ATP8B2: variants seen among roughly 807,000 people sequenced by gnomAD.
ATP8B2 encodes phospholipid-transporting ATPase ID.
In ATP8B2, 70 loss-of-function variants were observed where a neutral mutation model predicts 133.4. The ratio of observed to expected loss-of-function variants is 0.52; its 90% CI spans 0.43 to 0.64. ATP8B2 has a LOEUF of 0.64. Ranked by LOEUF, ATP8B2 falls within the 30% of genes least tolerant of loss-of-function variation. ATP8B2 has a pLI of 0.00. For synonymous variants in ATP8B2, 517 were observed against 589.5 expected, an observed-to-expected ratio of 0.88 and a Z score of 1.78; for missense variants, 1,101 against 1,535.7, an observed-to-expected ratio of 0.72 and a Z score of 4.73.
intron 3 of ATP8B2, 76 bp downstream of exon 3, chr1:154,330,530 A>T (rs1278279094): frequency 6.7e-7 from 1 of 1,492,360 alleles, no homozygotes; most frequent in East Asian, 2.3e-5. Context: ...TACCGTTGGG[A>T]CTGAGGGCTG....
chr1:154,344,027 C>T lies in ATP8B2; in HGVS notation c.1893C>T (p.Ser631=), dbSNP rs1445148778. ...ACAGCCGGGAGGACAGGCTGGCTAGCATCTATGAGGAGGTTGAGAACAACA... is the reference window on the plus strand; with the variant it reads ...ACAGCCGGGAGGACAGGCTGGCTAGTATCTATGAGGAGGTTGAGAACAACA... ...AQDSREDRLA[S]IYEEVENNMM... Residue 631 remains serine (S), a synonymous_variant, in exon 18 of 28, where the codon AGC becomes AGT. Coordinates refer to ENST00000368489, the MANE Select transcript of ATP8B2 (RefSeq NM_001370597.1). The surrounding 1 kb of genome is among the most constrained non-coding windows in gnomAD (Gnocchi z 4.1). The T allele has an allele frequency of 6.2e-7, 1 of 1,613,936 alleles. No individual in the cohort carries two copies. The highest frequency in any genetic ancestry group is 2.2e-5 in the East Asian group (1 of 44,886).
chr1:154,344,292 A>C lies in ATP8B2; in HGVS notation c.2035+38A>C, dbSNP rs936395319. ...CAGGGCAGAGCCAGTTGCAACTGAC[A>C]GTAGCCCTGTTGGACCCTTGCATGG... is the stretch of plus-strand genomic sequence containing the variant. On this transcript the variant is annotated intron_variant, in intron 19 of 27. Transcript: ENST00000368489. The surrounding 1 kb of genome is among the most constrained non-coding windows in gnomAD (Gnocchi z 4.1). 6.2e-7 allele frequency: 1 copy of C among 1,614,142 alleles called. No homozygotes were observed.
In ATP8B2 at chr1:154,331,468, G is replaced by A. The variant is rs1441851006; in HGVS notation, c.328G>A (p.Val110Met). The A allele has an allele frequency of 1.2e-6, 2 of 1,614,142 alleles. No individual in the cohort carries two copies. Residue 110 changes from valine (V) to methionine (M), a missense_variant, in exon 6 of 28, where the codon GTG (valine) becomes ATG (methionine). Transcript: ENST00000368489. This position sits in a 1 kb window ranked among gnomAD's most constrained non-coding sequence, Gnocchi z 4.8. ...GTTCCGCCACAAGAGCGATAACCAG[G>A]TGAATAACCGCCAGTCTCAGGTGCT... Reference protein sequence around the residue: ...DYFRHKSDNQVNNRQSQVLIN... With the variant: ...DYFRHKSDNQMNNRQSQVLIN...
At position 154,343,816 on chromosome 1, in the gene ATP8B2, G is replaced by T; in HGVS notation, c.1759-77G>T. 6.7e-7 allele frequency: 1 copy of T among 1,494,888 alleles called. No homozygotes were observed. The highest frequency in any genetic ancestry group is 9.1e-7 in the Non-Finnish European group (1 of 1,104,724). 92.6% of individuals were successfully genotyped at this position (1,494,888 alleles called of 1,614,324 possible). A position where few individuals can be genotyped will look rare whatever the true frequency, so the allele number is the denominator to read the frequency against. ...GGCACACACCCAGTCTACAGTGCAG[G>T]ATTATTCATTGTCGCCCTCACGCTG... On this transcript the variant is annotated intron_variant, in intron 17 of 27. Coordinates refer to ENST00000368489, the MANE Select transcript of ATP8B2 (RefSeq NM_001370597.1). This position sits in a 1 kb window ranked among gnomAD's most constrained non-coding sequence, Gnocchi z 5.8.
At chr1:154,341,477 A>C in intron 13 of ATP8B2, 2 of 281,900 alleles carry the variant, frequency 7.1e-6, no homozygotes, top group Non-Finnish European at 1.4e-5. Context: ...GGGCGACAGA[A>C]TGAGGCCCTG....
In ATP8B2 at chr1:154,343,518, C is replaced by T. The variant is rs1454150443; in HGVS notation, c.1708C>T (p.Leu570=). 6.2e-7 allele frequency: 1 copy of T among 1,614,166 alleles called. No individual in the cohort carries two copies. Residue 570 remains leucine (L), a synonymous_variant, in exon 17 of 28, where the codon CTG becomes TTG. Transcript: ENST00000368489. The surrounding 1 kb of genome is among the most constrained non-coding windows in gnomAD (Gnocchi z 5.8). ...GGCTGACACTATCCTACTGGACAGACTGCACCACTCCACTCAAGAGCTGCT... is the reference window on the plus strand; with the variant it reads ...GGCTGACACTATCCTACTGGACAGATTGCACCACTCCACTCAAGAGCTGCT... ...KGADTILLDR[L]HHSTQELLNT...
chr1:154,337,795 G>C (rs1686242026), intron 12 of ATP8B2: 1 of 1,397,476 alleles, frequency 7.2e-7, no homozygotes, highest in Non-Finnish European at 9.5e-7. Flanking sequence ...CATGCCTACT[G>C]TGTACAAAGA....
Position 154,334,393 on chromosome 1 carries a change from CT to C in ATP8B2, c.749-109del, listed in dbSNP as rs142320412. On this transcript the variant is annotated intron_variant, in intron 10 of 27. Coordinates refer to ENST00000368489, the MANE Select transcript of ATP8B2 (RefSeq NM_001370597.1). This position sits in a 1 kb window ranked among gnomAD's most constrained non-coding sequence, Gnocchi z 4.6. ...CCAGCTGTGTATACAGGCTTCTTAT[CT>C]AGCCAGTATCTCTATTCCACCCTGG... The C allele has an allele frequency of 2.2e-3, 3,257 of 1,497,968 alleles. 60 individuals are homozygous for C. The African/African-American group carries it at 0.04, about 19-fold the overall frequency. The allele number at this position is 1,497,968 out of a possible 1,614,324, so 92.8% of individuals were successfully genotyped here.
rs1418887882 is a variant in ATP8B2 at position 154,344,495 on chromosome 1, G to A, written c.2136G>A (p.Glu712=). The change falls in exon 20 of 28, where the codon GAG becomes GAA. Residue 712 remains glutamate (E), a synonymous_variant. Transcript: ENST00000368489. The surrounding 1 kb of genome is among the most constrained non-coding windows in gnomAD (Gnocchi z 4.1). ...ATACTGTCCTGGAGGTGCGGGAGGA[G>A]CTCAGGTAAACAAGAAGCCCAGGGG... ...TGHTVLEVRE[E]LRKAREKMMD... 8 of 1,614,022 alleles carry A rather than the reference G, an allele frequency of 5.0e-6. No homozygotes were observed. Among genetic ancestry groups the A allele is most frequent in the Non-Finnish European group, 6.8e-6 (8 of 1,180,012 alleles).
chr1:154,330,204 A>G (rs2149159999), intron 2 of ATP8B2, among the ~76,000 whole-genome samples, 192 bp from the exon 3 acceptor site: 1 of 152,196 alleles, frequency 6.6e-6, no homozygotes, highest in South Asian at 2.1e-4. Context: ...TGTCCTGTGA[A>G]TGTAACCTGG....
At chr1:154,329,120 C>G (rs1030990293) in intron 2 of ATP8B2, 2 of 1,218,952 alleles carry the variant, frequency 1.6e-6, no homozygotes, top group Non-Finnish European at 2.1e-6. Context: ...CCCATTATTT[C>G]CCCCCTCCAA....
Position 154,344,369 on chromosome 1 carries a change from G to A in ATP8B2, c.2036-26G>A, listed in dbSNP as rs749491911. On this transcript the variant is annotated intron_variant, in intron 19 of 27. Coordinates refer to ENST00000368489, the MANE Select transcript of ATP8B2 (RefSeq NM_001370597.1). This position sits in a 1 kb window ranked among gnomAD's most constrained non-coding sequence, Gnocchi z 4.1. ...TGCTGACCTTGTTGGGTGCCTGTCC[G>A]TAGCTCCTGCGTTCTCTCTTGGTAG... 71 of 1,614,028 alleles carry A rather than the reference G, an allele frequency of 4.4e-5. No homozygotes were observed. Among genetic ancestry groups the A allele is most frequent in the Non-Finnish European group, 5.7e-5 (67 of 1,180,002 alleles).
Position 154,340,871 on chromosome 1 carries a change from T to G in ATP8B2, c.1052T>G (p.Leu351Arg), listed in dbSNP as rs570818129. 6.2e-7 allele frequency: 1 copy of G among 1,614,190 alleles called. No individual in the cohort carries two copies. Among genetic ancestry groups the G allele is most frequent in the Non-Finnish European group, 8.5e-7 (1 of 1,180,028 alleles). The change falls in exon 13 of 28, where the codon CTG becomes CGG. Residue 351 changes from leucine (L) to arginine (R), a missense_variant. Leu to Arg is a moderately radical substitution (Grantham distance 102, BLOSUM62 -2). Transcript: ENST00000368489. The surrounding 1 kb of genome is among the most constrained non-coding windows in gnomAD (Gnocchi z 4.0). Reference protein sequence around the residue: ...SLYVSVEVIRLGHSYFINWDK... With the variant: ...SLYVSVEVIRRGHSYFINWDK... ...CTGTGCAGTGTGGAGGTCATCCGTC[T>G]GGGCCACAGCTACTTCATCAACTGG...
At chr1:154,330,340 AG>A in intron 2 of ATP8B2, 55 bp from the exon 3 acceptor site, 1 of 1,497,310 alleles carries the variant, frequency 6.7e-7, no homozygotes, top group Non-Finnish European at 9.2e-7. Flanking sequence ...CCCCCAGCAA[AG>A]TGTTGGTCCA....
In ATP8B2 at chr1:154,337,819, C is replaced by T. The variant is rs76428916; in HGVS notation, c.1034+275C>T. 3,903 of 1,239,186 alleles carry T rather than the reference C, an allele frequency of 3.1e-3. 119 individuals carry two copies. The African/African-American group carries it at 0.055, about 17-fold the overall frequency. The allele number at this position is 1,239,186 out of a possible 1,614,324, so 76.8% of individuals were successfully genotyped here. A position where few individuals can be genotyped will look rare whatever the true frequency, so the allele number is the denominator to read the frequency against. On this transcript the variant is annotated intron_variant, in intron 12 of 27. Coordinates refer to ENST00000368489, the MANE Select transcript of ATP8B2 (RefSeq NM_001370597.1). ...TGTGTACAAAGAAGTGTGCTAGGTG[C>T]CATCACAAATAAAAGATGAATTAGG...
At chr1:154,326,832 C>T (rs1685808058) in intron 1 of ATP8B2, among the ~76,000 whole-genome samples, 1 of 152,232 alleles carries the variant, frequency 6.6e-6, no homozygotes, top group African/African-American at 2.4e-5. Flanking sequence ...CTCTTGCATC[C>T]TTTAACCTCT....
In ATP8B2 at chr1:154,328,607, G is replaced by C. The variant is rs1016800616; in HGVS notation, c.31+435G>C. ...GCAGTCCGCTCACCCGCATTGGCCC[G>C]GCCCGGGGGTGGGAGGGGAGGCGGG... On this transcript the variant is annotated intron_variant, in intron 2 of 27. Coordinates refer to ENST00000368489, the MANE Select transcript of ATP8B2 (RefSeq NM_001370597.1). The surrounding 1 kb of genome is among the most constrained non-coding windows in gnomAD (Gnocchi z 4.6). Among the ~76,000 whole-genome samples the C allele has an allele frequency of 2.0e-5, 3 of 152,136 alleles. No homozygotes were observed. Among genetic ancestry groups the C allele is most frequent in the African/African-American group, 7.2e-5 (3 of 41,440 alleles).
rs1301205568 is a variant in ATP8B2, at chr1:154,334,444, C to CA, written c.749-58dup. 1.9e-5 allele frequency: 30 copies of CA among 1,576,620 alleles called. No individual in the cohort carries two copies. Among genetic ancestry groups the CA allele is most frequent in the Non-Finnish European group, 2.5e-5 (29 of 1,147,592 alleles). On this transcript the variant is annotated intron_variant, in intron 10 of 27. Coordinates refer to ENST00000368489, the MANE Select transcript of ATP8B2 (RefSeq NM_001370597.1). This position sits in a 1 kb window ranked among gnomAD's most constrained non-coding sequence, Gnocchi z 4.6. Reference sequence around the variant, plus strand: ...GTGTCCTGCAGTCTGGGGATCAGGGCAGAAGCCCAGAGGCAGATGTGTTAT... The same window carrying CA: ...GTGTCCTGCAGTCTGGGGATCAGGGCAAGAAGCCCAGAGGCAGATGTGTTAT...
Position 154,345,295 on chromosome 1 carries a change from C to T in ATP8B2, c.2471-27C>T. ...AGTGTGTGGCCGGTGGCCATCTTCACCCTCTTGTCATCTCTTGTCTCTGCA... is the reference window on the plus strand; with the variant it reads ...AGTGTGTGGCCGGTGGCCATCTTCATCCTCTTGTCATCTCTTGTCTCTGCA... On this transcript the variant is annotated intron_variant, in intron 22 of 27. Coordinates refer to ENST00000368489, the MANE Select transcript of ATP8B2 (RefSeq NM_001370597.1). The surrounding 1 kb of genome is among the most constrained non-coding windows in gnomAD (Gnocchi z 5.6). The T allele has an allele frequency of 6.2e-7, 1 of 1,612,418 alleles. No individual in the cohort carries two copies. The highest frequency in any genetic ancestry group is 1.1e-5 in the South Asian group (1 of 90,956).
Sources: gnomAD v4.1 joint callset for allele counts (sites outside exome capture counted in the v4.1 genomes callset) on GRCh38, gnomAD v4.1.1 for gene constraint, Gnocchi (gnomAD v3.1) non-coding constraint, MANE v1.5 for transcripts, NCBI Gene and HGNC (gene_info 2026-07-23, HGNC 2026-07-21) for gene names.